THSD7B: variants seen among roughly 807,000 people sequenced by gnomAD.
THSD7B encodes the protein thrombospondin type 1 domain containing 7B.
THSD7B carries 138 observed loss-of-function variants against 213.6 expected under a neutral mutation model. That is an observed-to-expected ratio of 0.65 (90% CI 0.56 to 0.74). The LOEUF is 0.74. Ranked by LOEUF, THSD7B falls within the 30% of genes least tolerant of loss-of-function variation. The pLI, the probability that THSD7B is intolerant of heterozygous loss-of-function variation, is 0.00. For missense variants in THSD7B, 1,931 were observed against 1,991.5 expected (o/e 0.97, Z 0.58); for synonymous variants, 742 against 687.0 (o/e 1.08, Z -1.25).
At chr2:136,858,195 C>A (rs1440292652) in intron 1 of THSD7B, among the ~76,000 whole-genome samples, 11 of 152,072 alleles carry the variant, frequency 7.2e-5, no homozygotes, top group African/African-American at 2.4e-4. Context: ...ACATTTAAAG[C>A]GATGATTATT....
intron 5 of THSD7B, among the ~76,000 whole-genome samples, chr2:137,135,503 A>G (rs1288004354): frequency 6.6e-6 from 1 of 152,172 alleles, no homozygotes; most frequent in Non-Finnish European, 1.5e-5. Context: ...GATTATCAGA[A>G]TTCTTTTTTG....
rs574369901 is a variant in THSD7B at position 136,814,224 on chromosome 2, T to C, written c.-36+48537T>C. Among the ~76,000 whole-genome samples the C allele has an allele frequency of 2.0e-5, 3 of 152,318 alleles. No individual in the cohort carries two copies. The South Asian group carries it at 6.2e-4, about 32-fold the overall frequency. ...TCCCATGTAAAATGAAAGTGGGTTT[T>C]AATGGGAATAAGTGGAAAAGTAAAA... On this transcript the variant is annotated intron_variant, in intron 1 of 27. Transcript: ENST00000409968.
At chr2:136,892,864 G>A (rs1208008556) in intron 2 of THSD7B, among the ~76,000 whole-genome samples, 1 of 151,982 alleles carries the variant, frequency 6.6e-6, no homozygotes, top group African/African-American at 2.4e-5. Flanking sequence ...TCTTCTGTAG[G>A]CCCCTAATAT....
intron 2 of THSD7B, among the ~76,000 whole-genome samples, chr2:136,927,574 G>T (rs908910339): frequency 2.0e-5 from 3 of 152,166 alleles, no homozygotes; most frequent in African/African-American, 7.2e-5. Flanking sequence ...CCTAGCAAAA[G>T]GCTTAATTTT....
chr2:137,346,955 T>C (rs952265681), intron 12 of THSD7B, among the ~76,000 whole-genome samples: 4 of 151,658 alleles, frequency 2.6e-5, no homozygotes, highest in Non-Finnish European at 4.4e-5. Flanking sequence ...AGAAGCGGAA[T>C]TGCTGGATCA....
At chr2:136,951,118 G>C (rs540470742) in intron 2 of THSD7B, among the ~76,000 whole-genome samples, 1 of 152,208 alleles carries the variant, frequency 6.6e-6, no homozygotes, top group Non-Finnish European at 1.5e-5. Flanking sequence ...CATGAGGGAG[G>C]CCTCACAACA....
intron 15 of THSD7B, among the ~76,000 whole-genome samples, chr2:137,453,486 C>A (rs367862463): frequency 1.3e-5 from 2 of 151,670 alleles, no homozygotes; most frequent in South Asian, 2.1e-4. Flanking sequence ...TCTGCCACCA[C>A]GCCCGGCTAA....
intron 7 of THSD7B, among the ~76,000 whole-genome samples, chr2:137,195,092 T>C (rs953380846): frequency 2.6e-5 from 4 of 152,086 alleles, no homozygotes; most frequent in African/African-American, 9.7e-5. Flanking sequence ...TTGTGAATAA[T>C]AAGGGACCCT....
At position 137,256,929 on chromosome 2, in the gene THSD7B, T is replaced by C. The variant is rs140384310; in HGVS notation, c.2266+14357T>C. ...CTTACAGTTCTGGAGACTGGGAAGT[T>C]CAAGGGTGAGGGTCCGCATTTGGTG... is the stretch of plus-strand genomic sequence containing the variant. On this transcript the variant is annotated intron_variant, in intron 10 of 27. Transcript: ENST00000409968. 3.9e-5 allele frequency among the ~76,000 whole-genome samples: 6 copies of C among 152,278 alleles called. No individual in the cohort carries two copies. In the East Asian group the frequency reaches 1.2e-3, roughly 29 times the overall value.
intron 16 of THSD7B, among the ~76,000 whole-genome samples, chr2:137,570,303 AATTATT>A (rs766131565): frequency 2.0e-5 from 3 of 150,090 alleles, no homozygotes; most frequent in African/African-American, 7.3e-5. Flanking sequence ...TATTATTATT[AATTATT>A]ATTATTATTA....
intron 7 of THSD7B, among the ~76,000 whole-genome samples, chr2:137,213,048 G>A (rs923539655): frequency 3.0e-5 from 3 of 101,660 alleles, no homozygotes; most frequent in Admixed American, 9.1e-5. Flanking sequence ...AAAAAAAAAA[G>A]GTTATACAGA....
chr2:137,569,145 G>A (rs1681302458), intron 16 of THSD7B, among the ~76,000 whole-genome samples: 2 of 152,138 alleles, frequency 1.3e-5, no homozygotes, highest in African/African-American at 2.4e-5. Flanking sequence ...GATGGAGAAA[G>A]GGGTCACCCA....
intron 14 of THSD7B, among the ~76,000 whole-genome samples, chr2:137,419,379 T>TTTTTTTTTTTTTTTTTTTTTTTTTTG (rs1686873711): frequency 1.0e-5 from 1 of 98,896 alleles, no homozygotes. Flanking sequence ...TGAGTTCTTG[T>TTTTTTTTTTTTTTTTTTTTTTTTTTG]CCCACATCAA....
intron 3 of THSD7B, among the ~76,000 whole-genome samples, chr2:137,084,240 A>T (rs966046308): frequency 8.5e-5 from 13 of 152,176 alleles, no homozygotes; most frequent in Non-Finnish European, 1.8e-4. Context: ...GTATTGGGGA[A>T]ATCTACTTAC....
intron 14 of THSD7B, among the ~76,000 whole-genome samples, chr2:137,444,430 C>G (rs1687484241): frequency 6.6e-6 from 1 of 151,914 alleles, no homozygotes; most frequent in African/African-American, 2.4e-5. Flanking sequence ...CTTCACCTTT[C>G]CCAAACAAAT....
At chr2:136,906,524 C>G (rs999347055) in intron 2 of THSD7B, 1 of 151,964 alleles carries the variant, frequency 6.6e-6, no homozygotes, top group African/African-American at 2.4e-5. Context: ...TTTTTAGGAT[C>G]ATTTTTATAA....
At chr2:137,558,196 C>A (rs1396611412) in intron 15 of THSD7B, among the ~76,000 whole-genome samples, 1 of 152,178 alleles carries the variant, frequency 6.6e-6, no homozygotes, top group African/African-American at 2.4e-5. Context: ...AGAGGGAATT[C>A]TCCCTAACTC....
intron 12 of THSD7B, among the ~76,000 whole-genome samples, chr2:137,282,426 A>G (rs989834898): frequency 6.6e-6 from 1 of 152,174 alleles, no homozygotes. Flanking sequence ...CCATCTGTCA[A>G]TGTTGGCTTT....
intron 2 of THSD7B, among the ~76,000 whole-genome samples, chr2:136,972,949 TCTC>T (rs1239848278): frequency 6.6e-6 from 1 of 152,142 alleles, no homozygotes; most frequent in East Asian, 1.9e-4. Context: ...TCTTCTCTCT[TCTC>T]CTCACTCCCC....
Sources: gnomAD v4.1 joint callset for allele counts (sites outside exome capture counted in the v4.1 genomes callset) on GRCh38, gnomAD v4.1.1 for gene constraint, MANE v1.5 for transcripts, NCBI Gene and HGNC (gene_info 2026-07-23, HGNC 2026-07-21) for gene names.